The following PDZRN3 variants were observed in gnomAD, a reference collection of about 807,000 sequenced individuals.
PDZRN3 encodes PDZ domain containing ring finger 3, also known as E3 ubiquitin-protein ligase PDZRN3.
PDZRN3 carries 38 observed loss-of-function variants against 85.7 expected under a neutral mutation model. That is an observed-to-expected ratio of 0.44 (90% CI 0.34 to 0.58). PDZRN3 has a LOEUF of 0.58. Among genes scored for constraint, PDZRN3 ranks in the 20% least tolerant of loss-of-function variants. The pLI, the probability that PDZRN3 is intolerant of heterozygous loss-of-function variation, is 0.01. For synonymous variants in PDZRN3, 759 were observed against 638.0 expected (o/e 1.19, Z -2.86); for missense variants, 1,629 against 1,506.4 (o/e 1.08, Z -1.35).
At chr3:73,422,680 C>T (rs1356016707) in intron 3 of PDZRN3, among the ~76,000 whole-genome samples, 1 of 152,152 alleles carries the variant, frequency 6.6e-6, no homozygotes, top group Non-Finnish European at 1.5e-5. Context: ...CCCTTTTGGT[C>T]AATTTCTCAG....
At chr3:73,514,790 TGTA>T (rs1419397310) in intron 3 of PDZRN3, among the ~76,000 whole-genome samples, 17 of 152,346 alleles carry the variant, frequency 1.1e-4, no homozygotes, top group African/African-American at 4.1e-4. Context: ...ATTGTACAGT[TGTA>T]GTCCAACAAT....
At chr3:73,585,706 C>A (rs1325997075) in intron 3 of PDZRN3, among the ~76,000 whole-genome samples, 2 of 152,148 alleles carry the variant, frequency 1.3e-5, no homozygotes, top group Admixed American at 1.3e-4. Context: ...AAACTTCCAT[C>A]GAAGAAATGG....
intron 3 of PDZRN3, among the ~76,000 whole-genome samples, chr3:73,579,701 GAAGT>G (rs942217640): frequency 1.4e-4 from 21 of 152,286 alleles, no homozygotes; most frequent in Middle Eastern, 3.4e-3. Flanking sequence ...CACTCTGAGA[GAAGT>G]AAGAAGCCCG....
chr3:73,466,009 T>C (rs1003989388), intron 3 of PDZRN3, among the ~76,000 whole-genome samples: 17 of 152,178 alleles, frequency 1.1e-4, no homozygotes, highest in Non-Finnish European at 2.4e-4. Context: ...ATTTTCCTGA[T>C]TGTCAGTCAA....
chr3:73,574,050 G>T (rs1286510908), intron 3 of PDZRN3, among the ~76,000 whole-genome samples: 2 of 152,170 alleles, frequency 1.3e-5, no homozygotes, highest in Non-Finnish European at 2.9e-5. Flanking sequence ...TGAGTGGTTT[G>T]CAGGAGGCAA....
At chr3:73,409,324 G>T (rs1701918721) in intron 3 of PDZRN3, among the ~76,000 whole-genome samples, 1 of 152,068 alleles carries the variant, frequency 6.6e-6, no homozygotes, top group South Asian at 2.1e-4. Flanking sequence ...TAACATTGCT[G>T]TTGCTCTTCC....
At chr3:73,623,988 G>C in intron 1 of PDZRN3, 115 bp downstream of exon 1, 1 of 1,049,582 alleles carries the variant, frequency 9.5e-7, no homozygotes, top group African/African-American at 1.7e-5. Context: ...AGAAGAGGGA[G>C]GAAGCAAGGA....
At chr3:73,621,814 G>A (rs1403189624) in intron 1 of PDZRN3, 3 of 152,130 alleles carry the variant, frequency 2.0e-5, no homozygotes, top group Non-Finnish European at 4.4e-5. Context: ...TCAACATCTT[G>A]TCTCTAAGCT....
chr3:73,502,463 A>G (rs1012616426), intron 3 of PDZRN3, among the ~76,000 whole-genome samples: 1 of 152,230 alleles, frequency 6.6e-6, no homozygotes, highest in African/African-American at 2.4e-5. Context: ...TCCATAAGTT[A>G]AGGCCACCAA....
At chr3:73,622,432 A>C (rs1472253057) in intron 1 of PDZRN3, among the ~76,000 whole-genome samples, 1 of 152,212 alleles carries the variant, frequency 6.6e-6, no homozygotes, top group East Asian at 1.9e-4. Context: ...TGGAGCAGGC[A>C]ACCAGAGCGG....
intron 3 of PDZRN3, among the ~76,000 whole-genome samples, chr3:73,498,791 T>G (rs1178834818): frequency 3.9e-5 from 6 of 152,098 alleles, no homozygotes. Flanking sequence ...CACATGTTGG[T>G]TAGGCTGGTT....
intron 3 of PDZRN3, among the ~76,000 whole-genome samples, chr3:73,476,960 T>A (rs1221503585): frequency 6.6e-6 from 1 of 152,202 alleles, no homozygotes. Flanking sequence ...CGGTTTTTTT[T>A]AAGCACTAAA....
chr3:73,605,004 T>G (rs1227544182), intron 2 of PDZRN3, among the ~76,000 whole-genome samples: 2 of 152,128 alleles, frequency 1.3e-5, no homozygotes, highest in East Asian at 3.9e-4. Flanking sequence ...GTGGATCGCC[T>G]GAGCTCAGGA....
chr3:73,617,302 TC>T (rs934728421), intron 1 of PDZRN3, among the ~76,000 whole-genome samples: 1 of 152,216 alleles, frequency 6.6e-6, no homozygotes, highest in African/African-American at 2.4e-5. Flanking sequence ...CTCAGGTCCA[TC>T]TGGTAGTTAT....
At chr3:73,469,180 T>C (rs1490711192) in intron 3 of PDZRN3, among the ~76,000 whole-genome samples, 2 of 151,840 alleles carry the variant, frequency 1.3e-5, no homozygotes, top group Non-Finnish European at 2.9e-5. Flanking sequence ...TTCAAGCAAT[T>C]CTCTGACTCA....
intron 3 of PDZRN3, among the ~76,000 whole-genome samples, chr3:73,459,837 G>A (rs1279160522): frequency 6.6e-6 from 1 of 152,168 alleles, no homozygotes; most frequent in African/African-American, 2.4e-5. Context: ...CAGATGGGGA[G>A]CCTGAGACTC....
At chr3:73,419,208 G>A (rs543914503) in intron 3 of PDZRN3, among the ~76,000 whole-genome samples, 2 of 152,190 alleles carry the variant, frequency 1.3e-5, no homozygotes, top group Admixed American at 6.5e-5. Flanking sequence ...TTGAGGAAAC[G>A]TAGGGGTTTT....
chr3:73,618,653 C>G lies in PDZRN3; in HGVS notation c.723+5450G>C, dbSNP rs142333786. 4.6e-3 allele frequency among the ~76,000 whole-genome samples: 699 copies of G among 152,294 alleles called. 3 individuals carry two copies. The highest frequency in any genetic ancestry group is 0.031 in the Middle Eastern group (9 of 294). On this transcript the variant is annotated intron_variant, in intron 1 of 9. Transcript: ENST00000263666. ...TGCATAATTGCCTTATAAATAGATT[C>G]TTACTCATCAAATATTTTTATAGCG...
chr3:73,404,366 A>C lies in PDZRN3; in HGVS notation c.948T>G (p.Thr316=). 1 of 1,614,078 alleles carries C rather than the reference A, an allele frequency of 6.2e-7. No homozygotes were observed. The change falls in exon 4 of 10, where the codon ACT becomes ACG. Residue 316 remains threonine (T), a synonymous_variant. Transcript: ENST00000263666. ...TGAAAGCTTCCACAGCCTGGTCATG[A>C]GTTGCTCTGGATAAGTCTCTGCCGT... The part of the protein sequence containing the change: ...EVNGRDLSRA[T]HDQAVEAFKT...
Sources: allele counts gnomAD v4.1 joint callset (sites outside exome capture counted in the v4.1 genomes callset), GRCh38; gene constraint gnomAD v4.1.1; transcripts MANE v1.5; gene names NCBI Gene and HGNC (gene_info 2026-07-23, HGNC 2026-07-21).